Variants in TRAF6 observed in about 807,000 individuals in gnomAD.
TRAF6 encodes the protein TNF receptor-associated factor 6.
TRAF6 carries 10 observed loss-of-function variants against 48.4 expected under a neutral mutation model. That is an observed-to-expected ratio of 0.21 (90% CI 0.13 to 0.35). The LOEUF is 0.35. TRAF6 is among the 10% of genes least tolerant of loss of function. TRAF6 has a pLI of 1.00. For synonymous variants in TRAF6, 186 were observed against 219.6 expected (o/e 0.85, Z 1.35); for missense variants, 397 against 661.0 (o/e 0.60, Z 4.38).
chr11:36,486,363 G>C lies in TRAF6; in HGVS notation c.*3475C>G, dbSNP rs553918113. Among the ~76,000 whole-genome samples the C allele has an allele frequency of 6.6e-6, 1 of 152,246 alleles. No homozygotes were observed. The highest frequency in any genetic ancestry group is 2.4e-5 in the African/African-American group (1 of 41,520). On this transcript the variant is annotated 3_prime_UTR_variant, in exon 7 of 7. Coordinates refer to ENST00000526995, the MANE Select transcript of TRAF6 (RefSeq NM_004620.4). Reference sequence around the variant, plus strand: ...CTAATAGTATTTTATATAAAATAATGAGTAGAACTTGAGGCAAGCCAAGAG... The same window carrying C: ...CTAATAGTATTTTATATAAAATAATCAGTAGAACTTGAGGCAAGCCAAGAG...
chr11:36,503,442 G>A (rs1207254881), intron 1 of TRAF6, among the ~76,000 whole-genome samples: 3 of 151,912 alleles, frequency 2.0e-5, no homozygotes, highest in Non-Finnish European at 4.4e-5. Context: ...CCGCCACCAC[G>A]CCCAACTAAT....
At chr11:36,509,497 A>C (rs913341298) in intron 1 of TRAF6, among the ~76,000 whole-genome samples, 2 of 151,912 alleles carry the variant, frequency 1.3e-5, no homozygotes, top group Admixed American at 1.3e-4. Flanking sequence ...TAGCTTTCCC[A>C]TGACAGTGAC....
chr11:36,497,882 GTATTTT>G (rs1172624948), intron 3 of TRAF6, among the ~76,000 whole-genome samples: 1 of 149,818 alleles, frequency 6.7e-6, no homozygotes, highest in Non-Finnish European at 1.5e-5. Context: ...TGTGACACTT[GTATTTT>G]TTTTTTTTTT....
chr11:36,503,375 A>AC (rs1031772853), intron 1 of TRAF6, among the ~76,000 whole-genome samples: 4 of 150,152 alleles, frequency 2.7e-5, no homozygotes, highest in African/African-American at 9.8e-5. Context: ...ACTCACTGCA[A>AC]CCCCCGCCTC....
At position 36,488,185 on chromosome 11, in the gene TRAF6, C is replaced by T. The variant is rs1018055541; in HGVS notation, c.*1653G>A. 4 of 151,806 alleles carry T rather than the reference C, an allele frequency of 2.6e-5. No individual in the cohort carries two copies. Among genetic ancestry groups the T allele is most frequent in the Non-Finnish European group, 5.9e-5 (4 of 68,050 alleles). The allele number at this position is 151,806 out of a possible 1,614,324, so 9.4% of individuals were successfully genotyped here. ...GGCACAGCTGAGGGACACAAACTGC[C>T]AGGAAGTAATGTGGTAACTAGCCAT... is the stretch of plus-strand genomic sequence containing the variant. On this transcript the variant is annotated 3_prime_UTR_variant, in exon 7 of 7. Coordinates refer to ENST00000526995, the MANE Select transcript of TRAF6 (RefSeq NM_004620.4).
At chr11:36,503,563 C>T (rs1420160033) in intron 1 of TRAF6, among the ~76,000 whole-genome samples, 1 of 152,106 alleles carries the variant, frequency 6.6e-6, no homozygotes, top group Non-Finnish European at 1.5e-5. Context: ...GATTAAGGCA[C>T]GAACCCCCGA....
chr11:36,502,096 G>C (rs568912895), intron 1 of TRAF6, among the ~76,000 whole-genome samples: 1 of 152,276 alleles, frequency 6.6e-6, no homozygotes, highest in African/African-American at 2.4e-5. Flanking sequence ...CAAGGAATCA[G>C]GTGATCATGT....
Position 36,494,994 on chromosome 11 carries a change from A to C in TRAF6, c.660T>G (p.Thr220=), listed in dbSNP as rs1481531225. The C allele has an allele frequency of 1.2e-6, 2 of 1,601,494 alleles. No homozygotes were observed. The highest frequency in any genetic ancestry group is 1.7e-6 in the Non-Finnish European group (2 of 1,169,922). ...LANVICEYCN[T]ILIREQMPNH... is the part of the protein sequence containing the mutation. ...ATAATACCTGTTCTCTGATGAGTAT[A>C]GTATTGCAGTATTCACAGATGACAT... Residue 220 remains threonine, a synonymous_variant, in exon 5 of 7, where the codon ACT becomes ACG. Coordinates refer to ENST00000526995, the MANE Select transcript of TRAF6 (RefSeq NM_004620.4).
chr11:36,498,423 C>A, intron 3 of TRAF6, 67 bp downstream of exon 3: 1 of 1,454,032 alleles, frequency 6.9e-7, no homozygotes. Flanking sequence ...ATGGACACAG[C>A]AAAGTCCCTA....
In TRAF6 at chr11:36,486,326, A is replaced by C. The variant is rs914069879; in HGVS notation, c.*3512T>G. On this transcript the variant is annotated 3_prime_UTR_variant, in exon 7 of 7. Transcript: ENST00000526995. ...AGTGCTGGGATTATAGGCGTGAGCC[A>C]CCGTGCCCAGCCTAATAGTATTTTA... 2.6e-5 allele frequency among the ~76,000 whole-genome samples: 4 copies of C among 152,188 alleles called. No individual in the cohort carries two copies. The highest frequency in any genetic ancestry group is 7.2e-5 in the African/African-American group (3 of 41,402).
At chr11:36,493,178 TAA>T (rs1222158161) in intron 5 of TRAF6, among the ~76,000 whole-genome samples, 1 of 152,150 alleles carries the variant, frequency 6.6e-6, no homozygotes, top group Non-Finnish European at 1.5e-5. Flanking sequence ...ATAGAAGCTC[TAA>T]AAAAAGTCTC....
chr11:36,492,858 A>G (rs1202438147), intron 5 of TRAF6, among the ~76,000 whole-genome samples: 2 of 152,210 alleles, frequency 1.3e-5, no homozygotes, highest in Non-Finnish European at 2.9e-5. Flanking sequence ...TCCAAAATTC[A>G]TTTCAAGAAA....
At chr11:36,495,101 A>G in intron 4 of TRAF6, 54 bp from the exon 5 acceptor site, 1 of 1,389,498 alleles carries the variant, frequency 7.2e-7, no homozygotes, top group Non-Finnish European at 1.0e-6. Flanking sequence ...GAAAAAGTGA[A>G]AACAACTAAT....
At chr11:36,496,893 G>A (rs1394078286) in intron 4 of TRAF6, among the ~76,000 whole-genome samples, 1 of 148,114 alleles carries the variant, frequency 6.8e-6, no homozygotes, top group Non-Finnish European at 1.5e-5. Flanking sequence ...TAGTATAAAT[G>A]TTTTTTTAAG....
intron 4 of TRAF6, among the ~76,000 whole-genome samples, chr11:36,495,690 C>T (rs951800952): frequency 4.6e-5 from 7 of 152,006 alleles, no homozygotes; most frequent in Non-Finnish European, 8.8e-5. Flanking sequence ...GTCAGGAGTT[C>T]GAGACCAGCC....
At position 36,486,627 on chromosome 11, in the gene TRAF6, T is replaced by G. The variant is rs1859488026; in HGVS notation, c.*3211A>C. ...AAAAAACACCTGCCTTCATTCTGTT[T>G]CACTTTTTTCTACTATTTATCCCCA... is the stretch of plus-strand genomic sequence containing the variant. On this transcript the variant is annotated 3_prime_UTR_variant, in exon 7 of 7. Transcript: ENST00000526995. 6.6e-6 allele frequency among the ~76,000 whole-genome samples: 1 copy of G among 152,168 alleles called. No individual in the cohort carries two copies. The highest frequency in any genetic ancestry group is 2.4e-5 in the African/African-American group (1 of 41,404).
intron 4 of TRAF6, 104 bp from the exon 5 acceptor site, chr11:36,495,151 C>A: frequency 1.3e-6 from 1 of 779,184 alleles, no homozygotes; most frequent in Non-Finnish European, 2.1e-6. Context: ...CAAATAAGGA[C>A]ATCAATTTGT....
intron 4 of TRAF6, 31 bp from the exon 5 acceptor site, chr11:36,495,078 C>T: frequency 6.7e-7 from 1 of 1,497,590 alleles, no homozygotes; most frequent in East Asian, 2.3e-5. Context: ...ATAATTAAAG[C>T]ATGAGAATAT....
At chr11:36,499,928 C>T (rs1859693358) in intron 2 of TRAF6, among the ~76,000 whole-genome samples, 4 of 152,080 alleles carry the variant, frequency 2.6e-5, no homozygotes, top group Admixed American at 2.6e-4. Context: ...GTATAGGACT[C>T]CTTAGTTACC....
Sources: allele counts gnomAD v4.1 joint callset (sites outside exome capture counted in the v4.1 genomes callset), GRCh38; gene constraint gnomAD v4.1.1; transcripts MANE v1.5; gene names NCBI Gene and HGNC (gene_info 2026-07-23, HGNC 2026-07-21).